DCC: variants seen among roughly 807,000 people sequenced by gnomAD.
The protein encoded by DCC is netrin receptor DCC.
In DCC, 58 loss-of-function variants were observed where a neutral mutation model predicts 172.5. The ratio of observed to expected loss-of-function variants is 0.34; its 90% CI spans 0.27 to 0.42. The LOEUF is 0.42. Among genes scored for constraint, DCC ranks in the 10% least tolerant of loss-of-function variants. The probability of loss-of-function intolerance (pLI) is 1.00; values close to 1 mark genes in which losing one functional copy is unlikely to be tolerated. For missense variants in DCC, 1,740 were observed against 1,791.0 expected (o/e 0.97, Z 0.51); for synonymous variants, 709 against 644.5 (o/e 1.10, Z -1.52).
intron 27 of DCC, among the ~76,000 whole-genome samples, chr18:53,507,259 T>C (rs1159329996): frequency 6.6e-6 from 1 of 152,214 alleles, no homozygotes; most frequent in East Asian, 1.9e-4. Context: ...AATAAAGTGC[T>C]CACATAAACC....
intron 1 of DCC, among the ~76,000 whole-genome samples, chr18:52,565,411 G>A (rs908293596): frequency 2.6e-5 from 4 of 152,080 alleles, no homozygotes; most frequent in East Asian, 1.9e-4. Flanking sequence ...TTGAGGAATC[G>A]CCACACTGTC....
rs10633986 is a variant in DCC at position 52,494,264 on chromosome 18, A to ATGTGTG, written c.91+153410_91+153415dup. Reference sequence around the variant, plus strand: ...TGATTATGATATGGTATGGTTTGTGATGTGTGTGTGTGTGTGTGTGTGTGT... The same window carrying ATGTGTG: ...TGATTATGATATGGTATGGTTTGTGATGTGTGTGTGTGTGTGTGTGTGTGTGTGTGT... On this transcript the variant is annotated intron_variant, in intron 1 of 28. Transcript: ENST00000442544. Among the ~76,000 whole-genome samples, 975 of 147,528 alleles carry ATGTGTG rather than the reference A, an allele frequency of 6.6e-3. 11 individuals are homozygous for ATGTGTG. The highest frequency in any genetic ancestry group is 0.019 in the African/African-American group (750 of 40,218).
intron 1 of DCC, among the ~76,000 whole-genome samples, chr18:52,387,293 T>G (rs1329754826): frequency 6.6e-6 from 1 of 152,040 alleles, no homozygotes; most frequent in Non-Finnish European, 1.5e-5. Flanking sequence ...GATGACATCA[T>G]GGACATCAGG....
At chr18:52,994,380 T>G (rs2041446271) in intron 5 of DCC, among the ~76,000 whole-genome samples, 1 of 152,126 alleles carries the variant, frequency 6.6e-6, no homozygotes, top group African/African-American at 2.4e-5. Context: ...AATTACTTGA[T>G]TTCCTGAGAA....
chr18:52,959,423 A>G (rs528010644), intron 5 of DCC, among the ~76,000 whole-genome samples: 9 of 152,082 alleles, frequency 5.9e-5, no homozygotes, highest in Admixed American at 3.3e-4. Context: ...TGAACCCTCT[A>G]AACGCAGGCA....
intron 15 of DCC, among the ~76,000 whole-genome samples, chr18:53,357,195 A>G (rs1015117911): frequency 6.6e-6 from 1 of 152,172 alleles, no homozygotes; most frequent in Admixed American, 6.5e-5. Flanking sequence ...AAACTGCATT[A>G]TATCTATTTC....
At chr18:53,231,360 A>G (rs965913608) in intron 12 of DCC, among the ~76,000 whole-genome samples, 1 of 152,122 alleles carries the variant, frequency 6.6e-6, no homozygotes, top group South Asian at 2.1e-4. Context: ...CATAAAATAC[A>G]TAAAATGGTA....
intron 1 of DCC, among the ~76,000 whole-genome samples, chr18:52,450,895 T>C (rs1988283471): frequency 6.6e-6 from 1 of 152,222 alleles, no homozygotes; most frequent in Non-Finnish European, 1.5e-5. Flanking sequence ...CAAAAAAGTA[T>C]ATTAATAATT....
At chr18:53,427,564 G>T (rs574324731) in intron 21 of DCC, among the ~76,000 whole-genome samples, 6 of 117,080 alleles carry the variant, frequency 5.1e-5, no homozygotes, top group South Asian at 2.5e-4. Flanking sequence ...GCCGGGCAAG[G>T]GAGATAGTCA....
chr18:52,889,799 C>T (rs1346268470), intron 2 of DCC, among the ~76,000 whole-genome samples: 1 of 152,012 alleles, frequency 6.6e-6, no homozygotes, highest in Non-Finnish European at 1.5e-5. Context: ...ATGAAAAGGA[C>T]CAGTCATCAG....
At chr18:52,830,314 A>G (rs1376262915) in intron 2 of DCC, among the ~76,000 whole-genome samples, 2 of 152,200 alleles carry the variant, frequency 1.3e-5, no homozygotes, top group East Asian at 3.9e-4. Flanking sequence ...CTCATCAGCT[A>G]TCGTTAGTGT....
At chr18:53,347,192 A>G (rs1298622042) in intron 15 of DCC, among the ~76,000 whole-genome samples, 1 of 152,196 alleles carries the variant, frequency 6.6e-6, no homozygotes, top group African/African-American at 2.4e-5. Context: ...CTGGAGTGAC[A>G]GCTGACAGTA....
chr18:53,487,390 T>G (rs915036205), intron 26 of DCC, among the ~76,000 whole-genome samples: 2 of 152,212 alleles, frequency 1.3e-5, no homozygotes, highest in Non-Finnish European at 2.9e-5. Flanking sequence ...TAAGTGATAC[T>G]TTTTCAGCTT....
At chr18:52,462,908 C>A (rs1988674701) in intron 1 of DCC, among the ~76,000 whole-genome samples, 2 of 152,328 alleles carry the variant, frequency 1.3e-5, no homozygotes, top group East Asian at 3.9e-4. Context: ...CTGGCCATTT[C>A]TGACAGTTCC....
At chr18:52,654,771 C>T (rs2035213192) in intron 1 of DCC, among the ~76,000 whole-genome samples, 1 of 152,078 alleles carries the variant, frequency 6.6e-6, no homozygotes, top group South Asian at 2.1e-4. Context: ...ACCCCCTCTT[C>T]CCTGTAGGGT....
intron 1 of DCC, among the ~76,000 whole-genome samples, chr18:52,412,742 C>T (rs1986885555): frequency 6.6e-6 from 1 of 152,090 alleles, no homozygotes; most frequent in African/African-American, 2.4e-5. Context: ...CAGATTTCTG[C>T]TTCTAAGTTT....
chr18:53,480,150 A>T (rs1439077919), intron 25 of DCC, among the ~76,000 whole-genome samples: 1 of 152,174 alleles, frequency 6.6e-6, no homozygotes, highest in African/African-American at 2.4e-5. Flanking sequence ...ATTTGAGAAG[A>T]TCTCAGCTGA....
chr18:53,128,870 C>CACATATATATATATATAT (rs1300738812), intron 7 of DCC, among the ~76,000 whole-genome samples: 1 of 77,480 alleles, frequency 1.3e-5, no homozygotes, highest in African/African-American at 6.3e-5. Flanking sequence ...CACACACACA[C>CACATATATATATATATAT]ATATATATAT....
Position 52,482,090 on chromosome 18 carries a change from C to T in DCC, c.91+141212C>T, listed in dbSNP as rs12456642. Among the ~76,000 whole-genome samples the T allele has an allele frequency of 1.0e-2, 1,517 of 152,064 alleles. 58 individuals are homozygous for T. Among genetic ancestry groups the T allele is most frequent in the Admixed American group, 0.064 (972 of 15,254 alleles). On this transcript the variant is annotated intron_variant, in intron 1 of 28. Transcript: ENST00000442544. The stretch of plus-strand genomic sequence containing the variant: ...ATTCCCCACTTTTGCCCCGCCATAT[C>T]CACTCACCCACCCATATGCAACGCT...
Sources: gnomAD v4.1 joint callset for allele counts (sites outside exome capture counted in the v4.1 genomes callset) on GRCh38, gnomAD v4.1.1 for gene constraint, MANE v1.5 for transcripts, NCBI Gene and HGNC (gene_info 2026-07-23, HGNC 2026-07-21) for gene names.